The following DZANK1 variants were observed in gnomAD, a reference collection of about 807,000 sequenced individuals.
DZANK1 encodes the protein double zinc ribbon and ankyrin repeat domains 1.
Under a neutral mutation model 94.5 loss-of-function variants are expected in DZANK1, and 91 were observed. That is an observed-to-expected ratio of 0.96 (90% confidence interval 0.81 to 1.15). DZANK1 has a LOEUF of 1.15. Among genes scored for constraint, DZANK1 ranks in the 50% most tolerant of loss-of-function variants. The probability of loss-of-function intolerance (pLI) is 0.00; values close to 1 mark genes in which losing one functional copy is unlikely to be tolerated. For missense variants in DZANK1, 903 were observed against 916.4 expected (o/e 0.99, Z 0.19); for synonymous variants, 312 against 325.3 (o/e 0.96, Z 0.44).
intron 3 of DZANK1, among the ~76,000 whole-genome samples, chr20:18,458,402 G>C (rs1023177387): frequency 6.6e-6 from 1 of 152,186 alleles, no homozygotes; most frequent in Non-Finnish European, 1.5e-5. Context: ...AGAAAGCTGA[G>C]ATGTTATTTC....
At chr20:18,465,116 T>G in intron 2 of DZANK1, 134 bp downstream of exon 2, 1 of 596,078 alleles carries the variant, frequency 1.7e-6, no homozygotes, top group Admixed American at 3.0e-5. Context: ...GTTTCAAATT[T>G]TAGAAGTTTT....
intron 10 of DZANK1, among the ~76,000 whole-genome samples, chr20:18,421,773 C>T (rs1266858093): frequency 6.6e-6 from 1 of 152,186 alleles, no homozygotes; most frequent in Non-Finnish European, 1.5e-5. Context: ...TTGCAATGCT[C>T]AGCTGGATTT....
chr20:18,398,426 G>C, intron 14 of DZANK1, 97 bp downstream of exon 14: 1 of 1,066,646 alleles, frequency 9.4e-7, no homozygotes, highest in East Asian at 2.4e-5. Flanking sequence ...GAAAGGGAAA[G>C]GAGCCAGGCA....
At chr20:18,448,608 C>T (rs2058970745) in intron 7 of DZANK1, among the ~76,000 whole-genome samples, 1 of 152,096 alleles carries the variant, frequency 6.6e-6, no homozygotes, top group Non-Finnish European at 1.5e-5. Context: ...GTGGCTCACA[C>T]CTGTAATCTC....
At chr20:18,449,165 G>T in intron 6 of DZANK1, 96 bp from the exon 7 acceptor site, 1 of 976,510 alleles carries the variant, frequency 1.0e-6, no homozygotes, top group Non-Finnish European at 1.6e-6. Flanking sequence ...AAATCATTAT[G>T]GGTGAATACA....
chr20:18,384,564 T>A (rs2048366955), exon 21 of DZANK1: 2 of 1,598,600 alleles, frequency 1.3e-6, no homozygotes, highest in Non-Finnish European at 1.7e-6. Context: ...TTGCATTGCA[T>A]CTGCAAAGGA....
At chr20:18,398,388 G>T in intron 14 of DZANK1, 135 bp downstream of exon 14, 1 of 743,694 alleles carries the variant, frequency 1.3e-6, no homozygotes, top group Non-Finnish European at 2.3e-6. Flanking sequence ...CAAGGCAGAA[G>T]AGTAAGAAAG....
At chr20:18,393,747 C>A in exon 17 of DZANK1, 3 of 1,613,020 alleles carry the variant, frequency 1.9e-6, no homozygotes, top group Non-Finnish European at 2.5e-6. Context: ...AAGTTTTGGT[C>A]TTGAAATTCT....
Position 18,460,590 on chromosome 20 carries a change from G to A in DZANK1, c.110-284C>T, listed in dbSNP as rs550591463. On this transcript the variant is annotated intron_variant, in intron 2 of 20. Transcript: ENST00000262547. ...TAAAAATACAAAAAATTAGCCGGGC[G>A]TGGTGGCAGGCGCCTGTAGTCCCAG... is the stretch of plus-strand genomic sequence containing the variant. Among the ~76,000 whole-genome samples, 550 of 152,210 alleles carry A rather than the reference G, an allele frequency of 3.6e-3. 3 individuals carry two copies. Among genetic ancestry groups the A allele is most frequent in the African/African-American group, 0.012 (516 of 41,524 alleles).
intron 1 of DZANK1, among the ~76,000 whole-genome samples, chr20:18,465,877 C>T (rs2059632062): frequency 6.6e-6 from 1 of 152,190 alleles, no homozygotes; most frequent in African/African-American, 2.4e-5. Flanking sequence ...ATCACCAGAG[C>T]AGTTCTAGTA....
At chr20:18,427,932 C>T (rs1448143770) in intron 9 of DZANK1, among the ~76,000 whole-genome samples, 1 of 151,760 alleles carries the variant, frequency 6.6e-6, no homozygotes, top group Non-Finnish European at 1.5e-5. Context: ...AGGCGGATCA[C>T]AAGGTCAGGA....
At chr20:18,400,798 G>A (rs532475890) in intron 13 of DZANK1, among the ~76,000 whole-genome samples, 2 of 152,180 alleles carry the variant, frequency 1.3e-5, no homozygotes, top group African/African-American at 4.8e-5. Context: ...CTAGGGCTAG[G>A]ATACAGAAGT....
chr20:18,452,286 G>A (rs539401851), intron 6 of DZANK1, among the ~76,000 whole-genome samples: 1 of 152,244 alleles, frequency 6.6e-6, no homozygotes, highest in East Asian at 1.9e-4. Context: ...TTTCAAATAA[G>A]TTCCCACGTG....
intron 5 of DZANK1, 98 bp from the exon 6 acceptor site, chr20:18,452,837 A>C: frequency 8.2e-7 from 1 of 1,216,992 alleles, no homozygotes; most frequent in South Asian, 1.7e-5. Flanking sequence ...ATAAAGAACC[A>C]CTGTCACCAC....
chr20:18,433,266 G>A lies in DZANK1; in HGVS notation c.861+386C>T, dbSNP rs143098936. 1.9e-3 allele frequency: 429 copies of A among 221,264 alleles called. 5 individuals are homozygous for A. The Admixed American group carries it at 0.02, about 10-fold the overall frequency. The allele number at this position is 221,264 out of a possible 1,614,324, so 13.7% of individuals were successfully genotyped here. On this transcript the variant is annotated intron_variant, in intron 9 of 20. Coordinates refer to ENST00000262547, the Ensembl canonical transcript of DZANK1. ...TATCAATTGTTACCCCATCCTGGCG[G>A]GCATGGTGGCTTATGCCTGTAATCC...
At chr20:18,423,225 A>C (rs1461024374) in intron 10 of DZANK1, among the ~76,000 whole-genome samples, 1 of 152,224 alleles carries the variant, frequency 6.6e-6, no homozygotes, top group Non-Finnish European at 1.5e-5. Context: ...TTGTGAAAGT[A>C]CTGTACATGC....
At chr20:18,427,040 T>C (rs936552629) in intron 10 of DZANK1, 27 bp downstream of exon 10, 8 of 1,524,050 alleles carry the variant, frequency 5.2e-6, no homozygotes, top group South Asian at 1.2e-5. Context: ...CCACTAAATA[T>C]AGGATTGGCA....
chr20:18,411,533 T>C (rs1445692935), intron 13 of DZANK1, among the ~76,000 whole-genome samples: 6 of 152,030 alleles, frequency 3.9e-5, no homozygotes, highest in Non-Finnish European at 7.4e-5. Context: ...TCACAGGTAA[T>C]TTACCAAAAT....
chr20:18,394,925 G>A, intron 15 of DZANK1: 1 of 456,062 alleles, frequency 2.2e-6, no homozygotes, highest in Middle Eastern at 3.3e-4. Flanking sequence ...AGTAAAATGG[G>A]CGTCTACATA....
Sources: allele counts gnomAD v4.1 joint callset (sites outside exome capture counted in the v4.1 genomes callset), GRCh38; gene constraint gnomAD v4.1.1; transcripts MANE v1.5; gene names NCBI Gene and HGNC (gene_info 2026-07-23, HGNC 2026-07-21).